Variants in KIAA1549 observed in about 807,000 individuals in gnomAD.
The protein encoded by KIAA1549 is KIAA1549, also known as UPF0606 protein KIAA1549.
A neutral mutation model predicts 156.4 loss-of-function variants in KIAA1549; 70 were observed. The ratio of observed to expected loss-of-function variants is 0.45; its 90% CI spans 0.37 to 0.55. The LOEUF (loss-of-function observed/expected upper bound fraction) is 0.55, where lower values mean the gene tolerates loss of function less well. Among genes scored for constraint, KIAA1549 ranks in the 20% least tolerant of loss-of-function variants. KIAA1549 has a pLI of 0.00. For missense variants in KIAA1549, 2,428 were observed against 2,540.9 expected (o/e 0.96, Z 0.96); for synonymous variants, 1,103 against 1,066.4 (o/e 1.03, Z -0.67).
intron 9 of KIAA1549, 61 bp from the exon 10 acceptor site, chr7:138,894,587 C>T (rs1169766968): frequency 5.9e-6 from 9 of 1,528,520 alleles, no homozygotes; most frequent in African/African-American, 2.7e-5. Context: ...CTAGATTGCA[C>T]GTGTCTTCTA....
At chr7:138,888,796 T>A (rs940071954) in intron 10 of KIAA1549, among the ~76,000 whole-genome samples, 1 of 152,232 alleles carries the variant, frequency 6.6e-6, no homozygotes, top group Non-Finnish European at 1.5e-5. Context: ...TATATAATTA[T>A]AAATATTATT....
At chr7:138,942,566 C>A (rs768601099) in intron 1 of KIAA1549, among the ~76,000 whole-genome samples, 2 of 151,770 alleles carry the variant, frequency 1.3e-5, no homozygotes, top group Non-Finnish European at 2.9e-5. Flanking sequence ...GTCCCAGGCA[C>A]CAGCCTTCTC....
intron 18 of KIAA1549, among the ~76,000 whole-genome samples, chr7:138,842,745 T>C (rs1185434593): frequency 6.7e-6 from 1 of 150,258 alleles, no homozygotes; most frequent in Non-Finnish European, 1.5e-5. Flanking sequence ...TTAAAAGACA[T>C]AAAACAGATG....
intron 10 of KIAA1549, among the ~76,000 whole-genome samples, chr7:138,883,112 AAAAAATT>A: frequency 8.0e-6 from 1 of 125,572 alleles, no homozygotes; most frequent in African/African-American, 3.0e-5. Flanking sequence ...AAAAAAAAAA[AAAAAATT>A]CAGCCAGACA....
intron 1 of KIAA1549, 141 bp downstream of exon 1, chr7:138,980,942 T>G (rs571581398): frequency 8.2e-5 from 64 of 778,082 alleles, no homozygotes; most frequent in Non-Finnish European, 1.0e-4. Context: ...CCCAGAAGAA[T>G]GGCAAAGCAT....
At chr7:138,845,198 CATAT>C (rs1195641075) in intron 17 of KIAA1549, among the ~76,000 whole-genome samples, 1 of 148,312 alleles carries the variant, frequency 6.7e-6, no homozygotes, top group Non-Finnish European at 1.5e-5. Flanking sequence ...GACAATTAAA[CATAT>C]ATTAACATAA....
intron 1 of KIAA1549, among the ~76,000 whole-genome samples, chr7:138,919,926 T>C (rs1812510883): frequency 6.6e-6 from 1 of 152,136 alleles, no homozygotes; most frequent in East Asian, 1.9e-4. Flanking sequence ...GAAATGAACA[T>C]GACAACTCAT....
intron 19 of KIAA1549, among the ~76,000 whole-genome samples, chr7:138,838,805 CTT>C (rs1265155431): frequency 1.3e-5 from 2 of 152,126 alleles, no homozygotes; most frequent in Admixed American, 1.3e-4. Context: ...GCTCTAGGTT[CTT>C]TCTACGTTTC....
chr7:138,913,602 C>G (rs903480376), intron 2 of KIAA1549, among the ~76,000 whole-genome samples: 5 of 152,082 alleles, frequency 3.3e-5, no homozygotes, highest in African/African-American at 1.2e-4. Context: ...ACTCTGTATT[C>G]TTCATTCTTT....
At chr7:138,850,444 C>T (rs185834546) in intron 17 of KIAA1549, among the ~76,000 whole-genome samples, 4 of 152,224 alleles carry the variant, frequency 2.6e-5, no homozygotes, top group East Asian at 3.9e-4. Context: ...CTCTAATAAT[C>T]AGTGATATTG....
At chr7:138,960,405 T>C (rs1584785958) in intron 1 of KIAA1549, among the ~76,000 whole-genome samples, 1 of 150,348 alleles carries the variant, frequency 6.7e-6, no homozygotes, top group Admixed American at 6.6e-5. Flanking sequence ...TGCCCCCCGG[T>C]TCAAGCGATT....
intron 1 of KIAA1549, among the ~76,000 whole-genome samples, chr7:138,953,191 A>G (rs1813549899): frequency 6.6e-6 from 1 of 152,108 alleles, no homozygotes; most frequent in Non-Finnish European, 1.5e-5. Context: ...CCTCATCTCT[A>G]CTAAAAATAC....
chr7:138,959,771 T>C (rs1813782677), intron 1 of KIAA1549, among the ~76,000 whole-genome samples: 1 of 152,244 alleles, frequency 6.6e-6, no homozygotes, highest in African/African-American at 2.4e-5. Flanking sequence ...GCTGAACTAC[T>C]GGGCCAAAAG....
At chr7:138,922,213 T>G (rs563345073) in intron 1 of KIAA1549, among the ~76,000 whole-genome samples, 1 of 152,242 alleles carries the variant, frequency 6.6e-6, no homozygotes, top group African/African-American at 2.4e-5. Flanking sequence ...ACTACTTGTA[T>G]AGTCCTAACA....
chr7:138,945,617 T>C (rs1813315190), intron 1 of KIAA1549, among the ~76,000 whole-genome samples: 1 of 152,244 alleles, frequency 6.6e-6, no homozygotes, highest in Non-Finnish European at 1.5e-5. Context: ...ATTTTATGTA[T>C]TTAAAGCATG....
intron 9 of KIAA1549, among the ~76,000 whole-genome samples, chr7:138,898,738 A>T (rs1425870299): frequency 6.6e-6 from 1 of 152,234 alleles, no homozygotes; most frequent in Non-Finnish European, 1.5e-5. Flanking sequence ...CCCACCTACA[A>T]AATGCTAGGT....
chr7:138,855,522 G>C (rs1810362199), intron 16 of KIAA1549, among the ~76,000 whole-genome samples: 1 of 152,150 alleles, frequency 6.6e-6, no homozygotes, highest in Admixed American at 6.5e-5. Context: ...CAAAGTTCTG[G>C]CATGTTTAAA....
At chr7:138,972,982 T>C (rs1584794615) in intron 1 of KIAA1549, among the ~76,000 whole-genome samples, 1 of 152,032 alleles carries the variant, frequency 6.6e-6, no homozygotes, top group African/African-American at 2.4e-5. Flanking sequence ...CCACCACACC[T>C]GGCTAATTTT....
intron 16 of KIAA1549, 128 bp downstream of exon 16, chr7:138,861,011 C>A: frequency 1.2e-6 from 1 of 841,442 alleles, no homozygotes; most frequent in Non-Finnish European, 1.9e-6. Flanking sequence ...AAAACTAAGA[C>A]CCATCACCCG....
Sources: allele counts gnomAD v4.1 joint callset (sites outside exome capture counted in the v4.1 genomes callset), GRCh38; gene constraint gnomAD v4.1.1; transcripts MANE v1.5; gene names NCBI Gene and HGNC (gene_info 2026-07-23, HGNC 2026-07-21).